The following SPTBN5 variants were observed in gnomAD, a reference collection of about 807,000 sequenced individuals.
The protein encoded by SPTBN5 is spectrin beta, non-erythrocytic 5, also known as spectrin beta chain, non-erythrocytic 5.
SPTBN5 carries 513 observed loss-of-function variants against 477.6 expected under a neutral mutation model. That is an observed-to-expected ratio of 1.07 (90% CI 1.00 to 1.16). SPTBN5 has a LOEUF of 1.16. Ranked by LOEUF, SPTBN5 falls within the 50% of genes most tolerant of loss-of-function variation. The pLI, the probability that SPTBN5 is intolerant of heterozygous loss-of-function variation, is 0.00. For missense variants in SPTBN5, 5,062 were observed against 4,731.8 expected (o/e 1.07, Z -2.05); for synonymous variants, 2,169 against 2,011.7 (o/e 1.08, Z -2.09).
At chr15:41,876,351 T>A (rs2066727720) in intron 20 of SPTBN5, 67 bp from the exon 21 acceptor site, 1 of 1,477,274 alleles carries the variant, frequency 6.8e-7, no homozygotes. Flanking sequence ...TAGCCCTGCA[T>A]CTGAGGGTGG....
intron 4 of SPTBN5, among the ~76,000 whole-genome samples, chr15:41,888,871 G>A (rs1431180008): frequency 6.6e-6 from 1 of 152,262 alleles, no homozygotes; most frequent in Non-Finnish European, 1.5e-5. Context: ...CCACATGAGG[G>A]GGAGTGGAGT....
chr15:41,856,191 G>C (rs2065925172), intron 53 of SPTBN5, among the ~76,000 whole-genome samples, 195 bp downstream of exon 53: 1 of 152,256 alleles, frequency 6.6e-6, no homozygotes, highest in African/African-American at 2.4e-5. Flanking sequence ...CTGATCTAGA[G>C]GGAAAAAAGA....
intron 26 of SPTBN5, 65 bp from the exon 27 acceptor site, chr15:41,872,524 C>A: frequency 6.7e-7 from 1 of 1,491,300 alleles, no homozygotes; most frequent in South Asian, 1.3e-5. Flanking sequence ...CTGTCCGTCC[C>A]CCACCCATCC....
intron 22 of SPTBN5, 141 bp downstream of exon 22, chr15:41,875,317 G>T: frequency 8.9e-7 from 1 of 1,127,858 alleles, no homozygotes; most frequent in Non-Finnish European, 1.2e-6. Flanking sequence ...GGAAAGCCAC[G>T]CTCAGCTTGT....
At position 41,874,832 on chromosome 15, in the gene SPTBN5, C is replaced by T; in HGVS notation, c.4502+10G>A. On this transcript the variant is annotated intron_variant, in intron 23 of 67. Transcript: ENST00000320955. Reference sequence around the variant, plus strand: ...AGTGACACACAGGTGGGTGGGAGGACAGACCCCACCTCCGGAGGTGCTTCT... The same window carrying T: ...AGTGACACACAGGTGGGTGGGAGGATAGACCCCACCTCCGGAGGTGCTTCT... 6.3e-7 allele frequency: 1 copy of T among 1,598,176 alleles called. No individual in the cohort carries two copies. The highest frequency in any genetic ancestry group is 8.5e-7 in the Non-Finnish European group (1 of 1,169,756).
intron 55 of SPTBN5, 21 bp downstream of exon 55, chr15:41,855,203 G>C (rs1400465452): frequency 6.3e-7 from 1 of 1,596,968 alleles, no homozygotes; most frequent in East Asian, 2.2e-5. Flanking sequence ...TCCCCGTGAG[G>C]TTTGCTCAGG....
chr15:41,853,892 G>A (rs1417652613), intron 57 of SPTBN5, 105 bp from the exon 58 acceptor site: 4 of 1,424,068 alleles, frequency 2.8e-6, no homozygotes, highest in Admixed American at 2.3e-5. Flanking sequence ...CCACTCTGCT[G>A]CACAAGCTGG....
At position 41,867,132 on chromosome 15, in the gene SPTBN5, G is replaced by A. The variant is rs2140936619; in HGVS notation, c.6313-6C>T. On this transcript the variant is annotated splice_region_variant and splice_polypyrimidine_tract_variant and intron_variant, in intron 35 of 67. Coordinates refer to ENST00000320955, the MANE Select transcript of SPTBN5 (RefSeq NM_016642.4). ...CGCTCACGCAGGGCTGCCTCCTGTG[G>A]GGCAGGGGCACAGCTGCTGCTCTCC... 1 of 1,525,480 alleles carries A rather than the reference G, an allele frequency of 6.6e-7. No homozygotes were observed. Among genetic ancestry groups the A allele is most frequent in the Non-Finnish European group, 8.8e-7 (1 of 1,139,688 alleles). 94.5% of individuals were successfully genotyped at this position (1,525,480 alleles called of 1,614,324 possible). A position where few individuals can be genotyped will look rare whatever the true frequency, so the allele number is the denominator to read the frequency against.
chr15:41,877,428 CA>C lies in SPTBN5; in HGVS notation c.3471-73del. 7 of 1,536,150 alleles carry C rather than the reference CA, an allele frequency of 4.6e-6. 1 individual carries two copies. The South Asian group carries it at 8.6e-5, about 19-fold the overall frequency. On this transcript the variant is annotated intron_variant, in intron 17 of 67. Coordinates refer to ENST00000320955, the MANE Select transcript of SPTBN5 (RefSeq NM_016642.4). ...GTCAGCCTCCTTCTCCTCTCACCTC[CA>C]GGGTTCACGCATCTTGGATCATGAA... is the stretch of plus-strand genomic sequence containing the variant.
At chr15:41,864,152 G>A in intron 39 of SPTBN5, 128 bp from the exon 40 acceptor site, 1 of 778,058 alleles carries the variant, frequency 1.3e-6, no homozygotes, top group South Asian at 1.8e-5. Context: ...GCAGTGGGAA[G>A]AACTGCCTCC....
intron 46 of SPTBN5, 123 bp downstream of exon 46, chr15:41,861,296 G>A (rs1406134823): frequency 3.7e-6 from 3 of 813,176 alleles, no homozygotes; most frequent in Admixed American, 2.0e-5. Flanking sequence ...GTGGCCCAGG[G>A]TGGGGAGATG....
intron 12 of SPTBN5, 137 bp from the exon 13 acceptor site, chr15:41,881,371 G>T: frequency 2.9e-6 from 2 of 691,702 alleles, no homozygotes; most frequent in East Asian, 5.4e-5. Context: ...ACATGGGTCT[G>T]GGGGACAGGA....
At chr15:41,860,459 A>T in intron 47 of SPTBN5, 127 bp downstream of exon 47, 1 of 1,084,194 alleles carries the variant, frequency 9.2e-7, no homozygotes, top group Non-Finnish European at 1.2e-6. Flanking sequence ...CCGGCATCTG[A>T]CCTCAGTCCT....
rs762395376 is a variant in SPTBN5, at chr15:41,871,913, G to C, written c.5170C>G (p.Arg1724Gly). Residue 1724 changes from arginine (R) to glycine (G), a missense_variant, in exon 28 of 68, where the codon CGG becomes GGG. By Grantham distance (125) the Arg-to-Gly change is moderately radical. Coordinates refer to ENST00000320955, the MANE Select transcript of SPTBN5 (RefSeq NM_016642.4). ...ALQELAATRD[R>G]ELEGTLRLHE... ...AGCCTCAGGGTCCCCTCCAGTTCCC[G>C]GTCCCTGTGGTAACAGTCCGTGGTT... 6.4e-7 allele frequency: 1 copy of C among 1,573,012 alleles called. No homozygotes were observed. The highest frequency in any genetic ancestry group is 1.4e-5 in the African/African-American group (1 of 73,974).
rs1426786699 is a variant in SPTBN5, at chr15:41,862,157, A to G, written c.7521T>C (p.Arg2507=). ...PAPRSPVEAR[R]MLEEHQECKA... ...TGCACTCCTGATGCTCTTCTAACAT[A>G]CGCCGGGCTTCCACAGGGCTGCGAG... Residue 2507 remains arginine (R), a synonymous_variant, in exon 44 of 68, where the codon CGT becomes CGC. Coordinates refer to ENST00000320955, the MANE Select transcript of SPTBN5 (RefSeq NM_016642.4). 1 of 1,596,832 alleles carries G rather than the reference A, an allele frequency of 6.3e-7. No homozygotes were observed. Among genetic ancestry groups the G allele is most frequent in the Non-Finnish European group, 8.5e-7 (1 of 1,170,090 alleles).
In SPTBN5 at chr15:41,848,433, T is replaced by C. The variant is rs2065626708; in HGVS notation, c.*183A>G. Reference sequence around the variant, plus strand: ...AGGGGGAGGCCAGGCAATGGCTGTTTCCTGCCACATGGTAGGACCCATCTA... The same window carrying C: ...AGGGGGAGGCCAGGCAATGGCTGTTCCCTGCCACATGGTAGGACCCATCTA... On this transcript the variant is annotated 3_prime_UTR_variant, in exon 68 of 68. Coordinates refer to ENST00000320955, the MANE Select transcript of SPTBN5 (RefSeq NM_016642.4). 7.2e-6 allele frequency: 5 copies of C among 691,722 alleles called. No homozygotes were observed. The highest frequency in any genetic ancestry group is 1.3e-5 in the Non-Finnish European group (5 of 386,778). The allele number at this position is 691,722 out of a possible 1,614,324, so 42.8% of individuals were successfully genotyped here. A position where few individuals can be genotyped will look rare whatever the true frequency, so the allele number is the denominator to read the frequency against.
chr15:41,866,344 C>T lies in SPTBN5; in HGVS notation c.6630G>A (p.Lys2210=), dbSNP rs777166280. The T allele has an allele frequency of 1.3e-5, 21 of 1,589,964 alleles. No individual in the cohort carries two copies. The highest frequency in any genetic ancestry group is 1.3e-4 in the Admixed American group (7 of 55,622). Residue 2210 remains lysine (K), a splice_region_variant and synonymous_variant, in exon 37 of 68, where the codon AAG becomes AAA. Transcript: ENST00000320955. The stretch of plus-strand genomic sequence containing the variant: ...ATGGGGCTGAGGGCCCGGTTGTTAC[C>T]TTGGCAACAGAGGTCATGACCTCCT... ...AHEEVMTSVA[K]KGEALLAQSH...
Position 41,875,511 on chromosome 15 carries a change from C to A in SPTBN5, c.4234G>T (p.Gly1412Trp). The A allele has an allele frequency of 1.9e-6, 3 of 1,612,580 alleles. No homozygotes were observed. The highest frequency in any genetic ancestry group is 2.5e-6 in the Non-Finnish European group (3 of 1,179,478). The change falls in exon 22 of 68, where the codon GGG becomes TGG. Residue 1412 changes from glycine (G) to tryptophan (W), a missense_variant. Physicochemically the swap from Gly to Trp is radical, Grantham distance 184 (BLOSUM62 -2). Transcript: ENST00000320955. Reference sequence around the variant, plus strand: ...TGTCCAGCCTGCTGGAGCTCGTCCCCACGCTCAGTCATCTTGCGGTTCAAA... The same window carrying A: ...TGTCCAGCCTGCTGGAGCTCGTCCCAACGCTCAGTCATCTTGCGGTTCAAA... Reference protein sequence around the residue: ...EALNRKMTERGDELQQAGQQE... With the variant: ...EALNRKMTERWDELQQAGQQE...
In SPTBN5 at chr15:41,870,297, C is replaced by G. The variant is rs771420217; in HGVS notation, c.5619G>C (p.Ala1873=). Residue 1873 remains alanine, a synonymous_variant, in exon 31 of 68, where the codon GCG becomes GCC. Transcript: ENST00000320955. ...NVARDLCGLE[A]QLRSHQGLER... ...CCAGCCCCTGGTGGCTTCTCAGCTG[C>G]GCCTCCAGCCCACACAGGTCCCGTG... The G allele has an allele frequency of 7.1e-6, 11 of 1,557,848 alleles. No homozygotes were observed. In the Admixed American group the frequency reaches 7.7e-5, roughly 11 times the overall value.
Sources: allele counts gnomAD v4.1 joint callset (sites outside exome capture counted in the v4.1 genomes callset), GRCh38; gene constraint gnomAD v4.1.1; transcripts MANE v1.5; gene names NCBI Gene and HGNC (gene_info 2026-07-23, HGNC 2026-07-21).